ATXN7: variants seen among roughly 807,000 people sequenced by gnomAD.
ATXN7 encodes ataxin 7.
Under a neutral mutation model 70.5 loss-of-function variants are expected in ATXN7, and 12 were observed. The ratio of observed to expected loss-of-function variants is 0.17; its 90% CI spans 0.11 to 0.28. The LOEUF (loss-of-function observed/expected upper bound fraction) is 0.28. Among genes scored for constraint, ATXN7 ranks in the 10% least tolerant of loss-of-function variants. The pLI, the probability that ATXN7 is intolerant of heterozygous loss-of-function variation, is 1.00. For synonymous variants in ATXN7, 498 were observed against 448.7 expected, an observed-to-expected ratio of 1.11 and a Z score of -1.39; for missense variants, 1,256 against 1,131.7, an observed-to-expected ratio of 1.11 and a Z score of -1.58.
chr3:63,942,655 A>T (rs2074790500), intron 4 of ATXN7, among the ~76,000 whole-genome samples: 1 of 152,236 alleles, frequency 6.6e-6, no homozygotes, highest in African/African-American at 2.4e-5. Flanking sequence ...TAGTGTTACA[A>T]GAGGTAGTGG....
At position 63,982,431 on chromosome 3, in the gene ATXN7, A is replaced by G. The variant is rs2075504479; in HGVS notation, c.998A>G (p.Asn333Ser). The G allele has an allele frequency of 6.2e-7, 1 of 1,605,754 alleles. No individual in the cohort carries two copies. The highest frequency in any genetic ancestry group is 8.5e-7 in the Non-Finnish European group (1 of 1,173,922). ...AATTCCAATAATAGGAAATTTTTAAATAAGAGATTATCAGGTAACTTCAAA... is the reference window on the plus strand; with the variant it reads ...AATTCCAATAATAGGAAATTTTTAAGTAAGAGATTATCAGGTAACTTCAAA... Reference protein sequence around the residue: ...EDNSNNRKFLNKRLSEREFDP... With the variant: ...EDNSNNRKFLSKRLSEREFDP... Residue 333 changes from asparagine to serine, a missense_variant, in exon 7 of 13, where the codon AAT becomes AGT. Asn to Ser is a conservative substitution (Grantham distance 46, BLOSUM62 1). Transcript: ENST00000674280.
In ATXN7 at chr3:63,994,660, A is replaced by G. The variant is rs1158455303; in HGVS notation, c.1683-845A>G. Among the ~76,000 whole-genome samples, 5 of 152,360 alleles carry G rather than the reference A, an allele frequency of 3.3e-5. No homozygotes were observed. In the East Asian group the frequency reaches 5.8e-4, roughly 18 times the overall value. On this transcript the variant is annotated intron_variant, in intron 11 of 12. Transcript: ENST00000674280. ...TCTAGGCCAGCTCTCTCACTGGGGT[A>G]GTGGCCAGGTCAGCCAGGGCTACCC...
intron 2 of ATXN7, chr3:63,905,847 G>C (rs2107280218): frequency 6.6e-6 from 1 of 152,238 alleles, no homozygotes; most frequent in Non-Finnish European, 1.5e-5. Context: ...AGAGAATATT[G>C]GTTAAAATAA....
chr3:63,970,889 G>A (rs1292485244), intron 5 of ATXN7, among the ~76,000 whole-genome samples: 1 of 152,132 alleles, frequency 6.6e-6, no homozygotes, highest in Non-Finnish European at 1.5e-5. Context: ...CTTTAGTGGG[G>A]CCTTTATTTA....
At chr3:63,998,075 G>A in intron 12 of ATXN7, 1 of 985,308 alleles carries the variant, frequency 1.0e-6, no homozygotes, top group Non-Finnish European at 1.2e-6. Flanking sequence ...AGAGAGACAT[G>A]ATCCCCACGG....
chr3:63,983,234 G>T (rs1452187337), intron 8 of ATXN7, among the ~76,000 whole-genome samples: 5 of 152,188 alleles, frequency 3.3e-5, no homozygotes, highest in Non-Finnish European at 7.3e-5. Flanking sequence ...CTTGACAGAG[G>T]TTTTGTTTCT....
chr3:63,908,282 G>A (rs1474732380), intron 2 of ATXN7, among the ~76,000 whole-genome samples: 1 of 152,156 alleles, frequency 6.6e-6, no homozygotes, highest in African/African-American at 2.4e-5. Flanking sequence ...AAGCTGTAAG[G>A]TACTTCACTA....
intron 4 of ATXN7, among the ~76,000 whole-genome samples, chr3:63,924,793 T>C (rs1465899710): frequency 6.6e-6 from 1 of 152,168 alleles, no homozygotes; most frequent in Non-Finnish European, 1.5e-5. Context: ...GGACAGCTTT[T>C]TAAAGGGTTT....
intron 2 of ATXN7, chr3:63,905,299 C>CTCCCTA (rs1438291460): frequency 6.6e-6 from 1 of 152,158 alleles, no homozygotes; most frequent in Non-Finnish European, 1.5e-5. Flanking sequence ...CAACCTCTGA[C>CTCCCTA]TCCCTAGTTC....
At position 63,946,737 on chromosome 3, in the gene ATXN7, G is replaced by A. The variant is rs375525229; in HGVS notation, c.395-5642G>A. On this transcript the variant is annotated intron_variant, in intron 4 of 12. Coordinates refer to ENST00000674280, the MANE Select transcript of ATXN7 (RefSeq NM_001377405.1). ...GAATCACATTGACTGAGGCTGGAGA[G>A]ATGGGAGGGACCAGAATGCTAGGTA... 2.1e-3 allele frequency among the ~76,000 whole-genome samples: 327 copies of A among 152,258 alleles called. 1 individual carries two copies. Among genetic ancestry groups the A allele is most frequent in the African/African-American group, 6.8e-3 (284 of 41,542 alleles).
chr3:63,997,931 C>T (rs1232471365), intron 12 of ATXN7: 1 of 985,228 alleles, frequency 1.0e-6, no homozygotes, highest in Admixed American at 6.2e-5. Flanking sequence ...GCATTCTGAT[C>T]ATGGGATTCC....
intron 4 of ATXN7, among the ~76,000 whole-genome samples, chr3:63,928,107 C>G (rs1442388965): frequency 6.6e-6 from 1 of 152,110 alleles, no homozygotes; most frequent in Non-Finnish European, 1.5e-5. Context: ...CACAAAGATC[C>G]TCTTTTTTTC....
At position 63,999,633 on chromosome 3, in the gene ATXN7, T is replaced by C; in HGVS notation, c.*166T>C. On this transcript the variant is annotated 3_prime_UTR_variant, in exon 13 of 13. Coordinates refer to ENST00000674280, the MANE Select transcript of ATXN7 (RefSeq NM_001377405.1). ...GCTGTTGTTTTAACGAGGATTTCCC[T>C]GAAGCTATGTCTCTAGCAGTGAGTA... 2 of 1,257,568 alleles carry C rather than the reference T, an allele frequency of 1.6e-6. No individual in the cohort carries two copies. The highest frequency in any genetic ancestry group is 2.6e-5 in the South Asian group (2 of 78,164). The allele number at this position is 1,257,568 out of a possible 1,614,324, so 77.9% of individuals were successfully genotyped here. A position where few individuals can be genotyped will look rare whatever the true frequency, so the allele number is the denominator to read the frequency against.
chr3:63,995,967 T>A lies in ATXN7; in HGVS notation c.2145T>A (p.Val715=), dbSNP rs1292411939. Residue 715 remains valine (V), a synonymous_variant, in exon 12 of 13, where the codon GTT becomes GTA. Coordinates refer to ENST00000674280, the MANE Select transcript of ATXN7 (RefSeq NM_001377405.1). ...GCAAAAACAGTTCCCCACTGTTGGT[T>A]CACTCTTCCTCCTCCTCTTCCTCCT... ...KKRKNSSPLL[V]HSSSSSSSSS... 6.2e-7 allele frequency: 1 copy of A among 1,613,980 alleles called. No individual in the cohort carries two copies. The highest frequency in any genetic ancestry group is 8.5e-7 in the Non-Finnish European group (1 of 1,179,992).
At chr3:63,925,586 A>C (rs903544099) in intron 4 of ATXN7, among the ~76,000 whole-genome samples, 1 of 152,000 alleles carries the variant, frequency 6.6e-6, no homozygotes, top group Non-Finnish European at 1.5e-5. Context: ...GTCTTCCACG[A>C]AACTGGTCTC....
At chr3:63,968,238 G>C (rs1246531261) in intron 5 of ATXN7, 1 of 410,928 alleles carries the variant, frequency 2.4e-6, no homozygotes, top group Non-Finnish European at 4.4e-6. Context: ...GGGATTAGCT[G>C]CTGCAAGCTG....
At position 64,002,756 on chromosome 3, in the gene ATXN7, C is replaced by A. The variant is rs2075847394; in HGVS notation, c.*3289C>A. ...TTTATAAGGTATTTTAAAATTAAGA[C>A]CTCTTGGTTCATAGTAATTCAATTG... On this transcript the variant is annotated 3_prime_UTR_variant, in exon 13 of 13. Coordinates refer to ENST00000674280, the MANE Select transcript of ATXN7 (RefSeq NM_001377405.1). 6.6e-6 allele frequency: 1 copy of A among 152,104 alleles called. No individual in the cohort carries two copies. The highest frequency in any genetic ancestry group is 1.5e-5 in the Non-Finnish European group (1 of 68,020). 9.4% of individuals were successfully genotyped at this position (152,104 alleles called of 1,614,324 possible).
chr3:63,863,497 G>A (rs1378887335), upstream of ATXN7: 4 of 1,179,136 alleles, frequency 3.4e-6, no homozygotes, highest in Non-Finnish European at 4.2e-6. Flanking sequence ...CCACGCTCCC[G>A]GCACACCCTA....
At chr3:63,946,538 G>A (rs2074866968) in intron 4 of ATXN7, among the ~76,000 whole-genome samples, 2 of 151,902 alleles carry the variant, frequency 1.3e-5, no homozygotes, top group Admixed American at 1.3e-4. Context: ...AGCTACTCCA[G>A]AGGCTGAGGC....
Sources: gnomAD v4.1 joint callset for allele counts (sites outside exome capture counted in the v4.1 genomes callset) on GRCh38, gnomAD v4.1.1 for gene constraint, MANE v1.5 for transcripts, NCBI Gene and HGNC (gene_info 2026-07-23, HGNC 2026-07-21) for gene names.